The following LIN7A variants were observed in gnomAD, a reference collection of about 807,000 sequenced individuals.
LIN7A encodes the protein lin-7 cell polarity scaffold A.
LIN7A carries 25 observed loss-of-function variants against 29.8 expected under a neutral mutation model. That is an observed-to-expected ratio of 0.84 (90% CI 0.61 to 1.17). The LOEUF (loss-of-function observed/expected upper bound fraction) is 1.17. LIN7A is among the 50% of genes most tolerant of loss of function. LIN7A has a pLI of 0.00. For missense variants in LIN7A, 239 were observed against 287.0 expected, an observed-to-expected ratio of 0.83 and a Z score of 1.21; for synonymous variants, 118 against 107.5, an observed-to-expected ratio of 1.10 and a Z score of -0.60.
Position 80,849,264 on chromosome 12 carries a change from C to A in LIN7A, c.202-942G>T, listed in dbSNP as rs968560315. On this transcript the variant is annotated intron_variant, in intron 2 of 5. Coordinates refer to ENST00000552864, the MANE Select transcript of LIN7A (RefSeq NM_004664.4). ...AATCTGAGATATGTTACTGCAAATT[C>A]TCCAGGTTACCTGAACAGCTGCTAA... is the stretch of plus-strand genomic sequence containing the variant. 2.0e-5 allele frequency among the ~76,000 whole-genome samples: 3 copies of A among 152,256 alleles called. No individual in the cohort carries two copies. The East Asian group carries it at 5.8e-4, about 29-fold the overall frequency.
At chr12:80,837,012 A>G (rs973738721) in intron 4 of LIN7A, among the ~76,000 whole-genome samples, 7 of 151,458 alleles carry the variant, frequency 4.6e-5, no homozygotes, top group Non-Finnish European at 1.0e-4. Context: ...GAATGGCTTT[A>G]TTGATTGGAT....
chr12:80,843,251 A>G (rs1020012058), intron 4 of LIN7A, among the ~76,000 whole-genome samples: 3 of 152,170 alleles, frequency 2.0e-5, no homozygotes, highest in African/African-American at 4.8e-5. Flanking sequence ...CCCATGGCCT[A>G]TACCATAGGA....
At chr12:80,911,683 G>T (rs940008712) in intron 1 of LIN7A, among the ~76,000 whole-genome samples, 15 of 152,236 alleles carry the variant, frequency 9.9e-5, no homozygotes, top group Admixed American at 9.8e-4. Flanking sequence ...ATTTGAAATG[G>T]CTTGTTCAAC....
chr12:80,795,147 G>A lies in LIN7A; in HGVS notation c.*2580C>T, dbSNP rs150655827. The A allele has an allele frequency of 8.5e-5, 13 of 152,150 alleles. No individual in the cohort carries two copies. The highest frequency in any genetic ancestry group is 5.8e-4 in the East Asian group (3 of 5,188). 9.4% of individuals were successfully genotyped at this position (152,150 alleles called of 1,614,324 possible). ...ACATGTCAGTGGCTCTAATATGATC[G>A]TTAATAATGAAGATAATTAGTATAA... On this transcript the variant is annotated 3_prime_UTR_variant, in exon 6 of 6. Coordinates refer to ENST00000552864, the MANE Select transcript of LIN7A (RefSeq NM_004664.4).
At chr12:80,904,510 A>G (rs1293152065) in intron 1 of LIN7A, among the ~76,000 whole-genome samples, 2 of 152,196 alleles carry the variant, frequency 1.3e-5, no homozygotes, top group East Asian at 1.9e-4. Context: ...GAATTTTATT[A>G]TACACATAAA....
chr12:80,879,645 C>CAAAAAA lies in LIN7A; in HGVS notation c.201+9600_201+9605dup, dbSNP rs530877505. ...GCCCTGCTGTGTCTATGGAGCAGCCCAAAAAAAAAAAAAAAAAAAAAAAAA... is the reference window on the plus strand; with the variant it reads ...GCCCTGCTGTGTCTATGGAGCAGCCCAAAAAAAAAAAAAAAAAAAAAAAAAAAAAAA... On this transcript the variant is annotated intron_variant, in intron 2 of 5. Transcript: ENST00000552864. Among the ~76,000 whole-genome samples the CAAAAAA allele has an allele frequency of 1.5e-4, 9 of 58,734 alleles. 1 individual carries two copies. Among genetic ancestry groups the CAAAAAA allele is most frequent in the Admixed American group, 2.8e-4 (1 of 3,530 alleles). 38.5% of individuals were successfully genotyped at this position (58,734 alleles called of 152,430 possible). A position where few individuals can be genotyped will look rare whatever the true frequency, so the allele number is the denominator to read the frequency against.
intron 4 of LIN7A, among the ~76,000 whole-genome samples, chr12:80,817,281 G>A (rs956838499): frequency 1.3e-5 from 2 of 151,418 alleles, no homozygotes; most frequent in Non-Finnish European, 2.9e-5. Context: ...TCTCTCTCCC[G>A]CTTCCATAGA....
At chr12:80,802,450 C>T (rs1387129865) in intron 5 of LIN7A, among the ~76,000 whole-genome samples, 2 of 152,144 alleles carry the variant, frequency 1.3e-5, no homozygotes, top group Non-Finnish European at 2.9e-5. Flanking sequence ...ATCCTTTTAA[C>T]ATGCTAATTT....
chr12:80,835,538 C>T (rs1468059660), intron 4 of LIN7A, among the ~76,000 whole-genome samples: 2 of 151,784 alleles, frequency 1.3e-5, no homozygotes, highest in East Asian at 1.9e-4. Flanking sequence ...TTAAACTGGG[C>T]GGAGAGTCTA....
intron 1 of LIN7A, among the ~76,000 whole-genome samples, chr12:80,905,302 G>C (rs2120760553): frequency 6.6e-6 from 1 of 151,996 alleles, no homozygotes; most frequent in Middle Eastern, 3.4e-3. Flanking sequence ...CAATTCTCCT[G>C]TCTCAGCCTC....
intron 2 of LIN7A, among the ~76,000 whole-genome samples, chr12:80,879,789 C>T (rs1474774393): frequency 6.6e-6 from 1 of 151,852 alleles, no homozygotes; most frequent in Non-Finnish European, 1.5e-5. Context: ...AGTTGCAGCT[C>T]ACACAGCTTT....
At chr12:80,869,423 G>T (rs1477697310) in intron 2 of LIN7A, among the ~76,000 whole-genome samples, 1 of 152,052 alleles carries the variant, frequency 6.6e-6, no homozygotes, top group Non-Finnish European at 1.5e-5. Flanking sequence ...TGGTTGGATT[G>T]CTTAGTTGGC....
At chr12:80,909,528 G>T (rs1412718330) in intron 1 of LIN7A, among the ~76,000 whole-genome samples, 1 of 152,098 alleles carries the variant, frequency 6.6e-6, no homozygotes, top group African/African-American at 2.4e-5. Flanking sequence ...GGTGCTGGGA[G>T]ATTCAGTGTC....
rs758557955 is a variant in LIN7A, at chr12:80,889,214, A to G, written c.201+37T>C. The G allele has an allele frequency of 3.8e-6, 4 of 1,056,554 alleles. No homozygotes were observed. In the African/African-American group the frequency reaches 6.2e-5, roughly 16 times the overall value. 65.4% of individuals were successfully genotyped at this position (1,056,554 alleles called of 1,614,324 possible). On this transcript the variant is annotated intron_variant, in intron 2 of 5. Coordinates refer to ENST00000552864, the MANE Select transcript of LIN7A (RefSeq NM_004664.4). ...GACATGTTTTCTATGAAGAAGACAT[A>G]TGGCTGAATTTAGTTATTAAAATTT...
At chr12:80,813,018 T>C (rs755098532) in intron 4 of LIN7A, among the ~76,000 whole-genome samples, 5 of 151,728 alleles carry the variant, frequency 3.3e-5, no homozygotes, top group African/African-American at 9.7e-5. Context: ...TATACAGATA[T>C]ATTTTTTTTT....
chr12:80,806,617 T>C (rs1361581648), intron 5 of LIN7A, among the ~76,000 whole-genome samples: 2 of 152,234 alleles, frequency 1.3e-5, no homozygotes, highest in African/African-American at 2.4e-5. Flanking sequence ...ATTTTGATTT[T>C]ACTTGGTTTT....
intron 2 of LIN7A, among the ~76,000 whole-genome samples, chr12:80,852,120 T>C (rs574625648): frequency 6.6e-6 from 1 of 152,294 alleles, no homozygotes; most frequent in South Asian, 2.1e-4. Context: ...ATTTTCACTA[T>C]AGAAGGGCTG....
At position 80,812,362 on chromosome 12, in the gene LIN7A, G is replaced by T. The variant is rs974264955; in HGVS notation, c.484-679C>A. On this transcript the variant is annotated intron_variant, in intron 4 of 5. Coordinates refer to ENST00000552864, the MANE Select transcript of LIN7A (RefSeq NM_004664.4). Reference sequence around the variant, plus strand: ...GGTGAACATTAATCATTTTTCAATAGAAAAGGAATTCTTAATTTAAAATGC... The same window carrying T: ...GGTGAACATTAATCATTTTTCAATATAAAAGGAATTCTTAATTTAAAATGC... Among the ~76,000 whole-genome samples, 3 of 144,388 alleles carry T rather than the reference G, an allele frequency of 2.1e-5. No homozygotes were observed. In the Admixed American group the frequency reaches 2.2e-4, roughly 11 times the overall value. The allele number at this position is 144,388 out of a possible 152,430, so 94.7% of individuals were successfully genotyped here.
At chr12:80,811,768 G>T in intron 4 of LIN7A, 85 bp from the exon 5 acceptor site, 1 of 1,490,914 alleles carries the variant, frequency 6.7e-7, no homozygotes, top group Non-Finnish European at 9.0e-7. Context: ...ATCACATTAA[G>T]AACCCAAAAT....
Sources: gnomAD v4.1 joint callset for allele counts (sites outside exome capture counted in the v4.1 genomes callset) on GRCh38, gnomAD v4.1.1 for gene constraint, MANE v1.5 for transcripts, NCBI Gene and HGNC (gene_info 2026-07-23, HGNC 2026-07-21) for gene names.